Variants in C12orf42 observed in about 807,000 individuals in gnomAD.
C12orf42 encodes the protein chromosome 12 open reading frame 42, also known as uncharacterized protein C12orf42.
A neutral mutation model predicts 21.6 loss-of-function variants in C12orf42; 25 were observed. The observed-to-expected ratio is 1.16, with a 90% CI of 0.84 to 1.62. The LOEUF is 1.62. Among genes scored for constraint, C12orf42 ranks in the 40% most tolerant of loss-of-function variants. The pLI, the probability that C12orf42 is intolerant of heterozygous loss-of-function variation, is 0.00. For missense variants in C12orf42, 483 were observed against 459.3 expected (o/e 1.05, Z -0.47); for synonymous variants, 174 against 175.0 (o/e 0.99, Z 0.05).
the C12orf42 span, among the ~76,000 whole-genome samples, chr12:103,540,486 C>T: frequency 2.0e-5 from 3 of 152,090 alleles, no homozygotes; most frequent in Non-Finnish European, 2.9e-5. Flanking sequence ...TGTTGCTAGG[C>T]GAATACACCT....
intron 3 of C12orf42, among the ~76,000 whole-genome samples, chr12:103,391,014 C>T (rs147647809): frequency 6.6e-6 from 1 of 152,308 alleles, no homozygotes; most frequent in East Asian, 1.9e-4. Context: ...CAAGTTGGCA[C>T]AAAATGAACC....
the C12orf42 span, among the ~76,000 whole-genome samples, chr12:103,109,621 A>C: frequency 6.7e-6 from 1 of 149,126 alleles, no homozygotes; most frequent in African/African-American, 2.4e-5. Context: ...ATATTATATA[A>C]TTTCTGAAAA....
chr12:103,275,123 T>G (rs2035691469), intron 5 of C12orf42, among the ~76,000 whole-genome samples: 1 of 152,196 alleles, frequency 6.6e-6, no homozygotes, highest in South Asian at 2.1e-4. Context: ...TTTTTATTGA[T>G]ATCTCCTACA....
At chr12:103,449,025 C>A (rs190685889) in intron 2 of C12orf42, among the ~76,000 whole-genome samples, 1 of 151,424 alleles carries the variant, frequency 6.6e-6, no homozygotes, top group Non-Finnish European at 1.5e-5. Context: ...TTTGCAATTG[C>A]AAAAATACAG....
At chr12:103,309,720 T>G (rs7489293) in intron 4 of C12orf42, among the ~76,000 whole-genome samples, 1,540 of 152,332 alleles carry the variant, frequency 0.01, 18 homozygotes, top group African/African-American at 0.035. Context: ...GAGTTCTTGA[T>G]TTCTACCAGG....
At chr12:103,135,314 C>T in the C12orf42 span, among the ~76,000 whole-genome samples, 7 of 151,890 alleles carry the variant, frequency 4.6e-5, no homozygotes, top group Non-Finnish European at 8.8e-5. Flanking sequence ...GAAAATTAGC[C>T]GGGCATGGTG....
intron 4 of C12orf42, among the ~76,000 whole-genome samples, chr12:103,364,601 C>A (rs2044424349): frequency 6.6e-6 from 1 of 151,462 alleles, no homozygotes; most frequent in Non-Finnish European, 1.5e-5. Context: ...CAAGATTAAC[C>A]AAGAGAAGAG....
intron 4 of C12orf42, among the ~76,000 whole-genome samples, chr12:103,310,193 A>G (rs1329730283): frequency 1.3e-5 from 2 of 152,006 alleles, no homozygotes; most frequent in African/African-American, 4.8e-5. Flanking sequence ...TGTGATAGTG[A>G]GTGAGTTATC....
chr12:103,107,006 T>C, the C12orf42 span, among the ~76,000 whole-genome samples: 1 of 151,836 alleles, frequency 6.6e-6, no homozygotes, highest in East Asian at 1.9e-4. Flanking sequence ...GTTAGGCAAA[T>C]AAGCCTTTAA....
chr12:103,445,286 T>G (rs1461090647), intron 2 of C12orf42, among the ~76,000 whole-genome samples: 1 of 152,044 alleles, frequency 6.6e-6, no homozygotes, highest in Admixed American at 6.6e-5. Flanking sequence ...AATCCCACGT[T>G]TTGTCTGTGT....
At chr12:103,501,693 TTAATA>T in the C12orf42 span, among the ~76,000 whole-genome samples, 3 of 152,154 alleles carry the variant, frequency 2.0e-5, no homozygotes, top group African/African-American at 7.2e-5. Context: ...CATATATAAT[TTAATA>T]TGACAATTTT....
intron 4 of C12orf42, among the ~76,000 whole-genome samples, chr12:103,367,803 G>T (rs762625335): frequency 5.3e-5 from 8 of 151,856 alleles, no homozygotes; most frequent in Non-Finnish European, 1.0e-4. Context: ...TTTTTAAGTA[G>T]AATTTGAGTG....
chr12:103,181,921 G>C, the C12orf42 span, among the ~76,000 whole-genome samples: 1 of 152,178 alleles, frequency 6.6e-6, no homozygotes, highest in Admixed American at 6.5e-5. Context: ...ATTTCCCTAG[G>C]ATGAAAGACT....
At chr12:103,391,966 A>T (rs1236136159) in intron 3 of C12orf42, among the ~76,000 whole-genome samples, 1 of 152,118 alleles carries the variant, frequency 6.6e-6, no homozygotes, top group Non-Finnish European at 1.5e-5. Context: ...TAGCTCTTAC[A>T]TGTCTGTCTT....
At chr12:103,163,996 C>T in the C12orf42 span, among the ~76,000 whole-genome samples, 1 of 152,176 alleles carries the variant, frequency 6.6e-6, no homozygotes, top group Admixed American at 6.5e-5. Flanking sequence ...ATTTACTGTA[C>T]ACCAAAGCCC....
chr12:103,057,125 T>G, the C12orf42 span, among the ~76,000 whole-genome samples: 1 of 151,984 alleles, frequency 6.6e-6, no homozygotes, highest in Non-Finnish European at 1.5e-5. Context: ...AAACCTTTGG[T>G]TTTAGCTGTT....
the C12orf42 span, among the ~76,000 whole-genome samples, chr12:103,219,168 G>C: frequency 6.6e-6 from 1 of 152,226 alleles, no homozygotes; most frequent in East Asian, 1.9e-4. Flanking sequence ...CAATTTGCCA[G>C]TCTGTGTCTT....
the C12orf42 span, among the ~76,000 whole-genome samples, chr12:103,553,036 G>A: frequency 6.6e-6 from 1 of 152,072 alleles, no homozygotes; most frequent in African/African-American, 2.4e-5. Context: ...TTAACACCTG[G>A]GGATTACAAT....
At chr12:103,283,438 T>G (rs539879714) in intron 4 of C12orf42, among the ~76,000 whole-genome samples, 1 of 152,294 alleles carries the variant, frequency 6.6e-6, no homozygotes, top group Non-Finnish European at 1.5e-5. Flanking sequence ...TGACTCTCCA[T>G]TGCTATTAGA....
Sources: allele counts gnomAD v4.1 joint callset (sites outside exome capture counted in the v4.1 genomes callset), GRCh38; gene constraint gnomAD v4.1.1; transcripts MANE v1.5; gene names NCBI Gene and HGNC (gene_info 2026-07-23, HGNC 2026-07-21).